Variants in VDAC2 observed in about 807,000 individuals in gnomAD.
The protein encoded by VDAC2 is non-selective voltage-gated ion channel VDAC2.
A neutral mutation model predicts 36.6 loss-of-function variants in VDAC2; 6 were observed. The observed-to-expected ratio is 0.16, with a 90% CI of 0.09 to 0.32. VDAC2 has a LOEUF of 0.32. Among genes scored for constraint, VDAC2 ranks in the 10% least tolerant of loss-of-function variants. The pLI, the probability that VDAC2 is intolerant of heterozygous loss-of-function variation, is 1.00. For synonymous variants in VDAC2, 109 were observed against 123.8 expected, an observed-to-expected ratio of 0.88 and a Z score of 0.79; for missense variants, 247 against 346.0, an observed-to-expected ratio of 0.71 and a Z score of 2.27.
intron 8 of VDAC2, among the ~76,000 whole-genome samples, 184 bp downstream of exon 8, chr10:75,222,586 G>T (rs1448476962): frequency 6.6e-6 from 1 of 152,208 alleles, no homozygotes; most frequent in African/African-American, 2.4e-5. Flanking sequence ...TTCCAGGCCA[G>T]GCTGGTGGAG....
chr10:75,211,669 A>G, intron 2 of VDAC2: 1 of 1,550,524 alleles, frequency 6.4e-7, no homozygotes, highest in Non-Finnish European at 8.7e-7. Context: ...AGTAAGTTTG[A>G]AGCGCTATTT....
intron 2 of VDAC2, chr10:75,211,589 C>G (rs1841424587): frequency 1.3e-6 from 2 of 1,550,458 alleles, no homozygotes; most frequent in South Asian, 2.4e-5. Context: ...AATGAATGAG[C>G]TGGTGTAATG....
chr10:75,226,112 A>G (rs1297587807), intron 8 of VDAC2, among the ~76,000 whole-genome samples: 3 of 152,208 alleles, frequency 2.0e-5, no homozygotes, highest in East Asian at 1.9e-4. Context: ...CTTTAAACCT[A>G]TCCCTATCCC....
At chr10:75,220,701 G>T in intron 6 of VDAC2, 42 bp from the exon 7 acceptor site, 3 of 1,542,004 alleles carry the variant, frequency 1.9e-6, no homozygotes, top group African/African-American at 1.4e-5. Flanking sequence ...GCAGAAGTGT[G>T]TGTAAATTTT....
intron 2 of VDAC2, 65 bp from the exon 3 acceptor site, chr10:75,212,165 T>C: frequency 7.0e-7 from 1 of 1,435,198 alleles, no homozygotes. Context: ...TGGGTCATGC[T>C]CTTGTTCTTG....
intron 8 of VDAC2, among the ~76,000 whole-genome samples, chr10:75,227,347 G>GC (rs1335790836): frequency 6.6e-6 from 1 of 152,090 alleles, no homozygotes; most frequent in Non-Finnish European, 1.5e-5. Flanking sequence ...GGGCGGGGCA[G>GC]TTTTATGAAA....
Position 75,214,073 on chromosome 10 carries a change from G to A in VDAC2, c.150+3G>A. The A allele has an allele frequency of 6.2e-7, 1 of 1,612,834 alleles. No individual in the cohort carries two copies. Among genetic ancestry groups the A allele is most frequent in the Non-Finnish European group, 8.5e-7 (1 of 1,179,274 alleles). On this transcript the variant is annotated splice_donor_region_variant and intron_variant, in intron 4 of 9. Transcript: ENST00000332211. The stretch of plus-strand genomic sequence containing the variant: ...AAACAAAGTCTTGCAGTGGCGTGGT[G>A]AGTGTTACTGTTGAATAAGTTCTAT...
At chr10:75,224,466 C>CT (rs1841900103) in intron 8 of VDAC2, among the ~76,000 whole-genome samples, 1 of 152,084 alleles carries the variant, frequency 6.6e-6, no homozygotes, top group Non-Finnish European at 1.5e-5. Context: ...AAATGAGGAA[C>CT]TTTTGACTCC....
At chr10:75,211,085 C>T (rs542591940) in intron 1 of VDAC2, 49 bp from the exon 2 acceptor site, 6 of 1,548,152 alleles carry the variant, frequency 3.9e-6, no homozygotes, top group East Asian at 4.7e-5. Flanking sequence ...CCGGGATCTC[C>T]CTTTGGCCCT....
At chr10:75,218,032 C>A in intron 4 of VDAC2, 1 of 851,220 alleles carries the variant, frequency 1.2e-6, no homozygotes. Flanking sequence ...AGGCTGCAGT[C>A]AGCTGTGATC....
Position 75,212,107 on chromosome 10 carries a change from T to TA in VDAC2, c.32-117dup. 3 of 847,556 alleles carry TA rather than the reference T, an allele frequency of 3.5e-6. No homozygotes were observed. The South Asian group carries it at 4.6e-5, about 13-fold the overall frequency. 52.5% of individuals were successfully genotyped at this position (847,556 alleles called of 1,614,324 possible). A position where few individuals can be genotyped will look rare whatever the true frequency, so the allele number is the denominator to read the frequency against. On this transcript the variant is annotated intron_variant, in intron 2 of 9. Coordinates refer to ENST00000332211, the MANE Select transcript of VDAC2 (RefSeq NM_001391963.1). ...AGTTCTATTGTAGCTCCTGACCGCA[T>TA]AAAAAACATTCCAACAAATGGGATT...
chr10:75,210,989 C>A, intron 1 of VDAC2, 51 bp downstream of exon 1: 1 of 729,150 alleles, frequency 1.4e-6, no homozygotes, highest in Non-Finnish European at 2.0e-6. Context: ...CCGCGGCGGC[C>A]AAGCCGGAGG....
upstream of VDAC2, chr10:75,210,552 G>C (rs985786502): frequency 6.6e-6 from 1 of 152,230 alleles, no homozygotes; most frequent in African/African-American, 2.4e-5. Flanking sequence ...GCGGTCCCCA[G>C]CGCGCTGCCT....
At chr10:75,217,284 T>C (rs1478432363) in intron 4 of VDAC2, among the ~76,000 whole-genome samples, 1 of 152,162 alleles carries the variant, frequency 6.6e-6, no homozygotes, top group Non-Finnish European at 1.5e-5. Context: ...TGTTGTGTCC[T>C]GCTCAGTGTG....
At chr10:75,227,602 GAC>G (rs1035536372) in intron 8 of VDAC2, among the ~76,000 whole-genome samples, 12 of 33,826 alleles carry the variant, frequency 3.5e-4, no homozygotes, top group African/African-American at 2.6e-3. Flanking sequence ...TTTTTTTGGA[GAC>G]AGAGTCTCAC....
intron 4 of VDAC2, chr10:75,218,085 T>C: frequency 2.8e-6 from 1 of 362,196 alleles, no homozygotes. Context: ...CAAGATGCTG[T>C]CTCAAAAAAA....
At chr10:75,226,662 C>T (rs866881631) in intron 8 of VDAC2, among the ~76,000 whole-genome samples, 12 of 151,946 alleles carry the variant, frequency 7.9e-5, no homozygotes, top group African/African-American at 2.7e-4. Flanking sequence ...GAGGTTTCAC[C>T]GTGTTGGCCA....
chr10:75,217,786 C>CT (rs1841652060), intron 4 of VDAC2: 1 of 643,590 alleles, frequency 1.6e-6, no homozygotes, highest in Non-Finnish European at 2.3e-6. Flanking sequence ...GGATTTGTCT[C>CT]TAACAGCAGA....
intron 4 of VDAC2, among the ~76,000 whole-genome samples, chr10:75,215,454 C>T (rs1451265888): frequency 8.3e-5 from 12 of 143,864 alleles, no homozygotes; most frequent in Non-Finnish European, 1.5e-4. Context: ...CAGGTTCATG[C>T]CTTTCTCCTG....
Sources: allele counts gnomAD v4.1 joint callset (sites outside exome capture counted in the v4.1 genomes callset), GRCh38; gene constraint gnomAD v4.1.1; transcripts MANE v1.5; gene names NCBI Gene and HGNC (gene_info 2026-07-23, HGNC 2026-07-21).